FMNL2: variants seen among roughly 807,000 people sequenced by gnomAD.
FMNL2 encodes the protein formin like 2.
Under a neutral mutation model 130.2 loss-of-function variants are expected in FMNL2, and 51 were observed. The observed-to-expected ratio is 0.39, with a 90% confidence interval of 0.31 to 0.49. The LOEUF (loss-of-function observed/expected upper bound fraction) is 0.49. Among genes scored for constraint, FMNL2 ranks in the 20% least tolerant of loss-of-function variants. The pLI is 0.85. For missense variants in FMNL2, 977 were observed against 1,316.2 expected, an observed-to-expected ratio of 0.74 and a Z score of 3.99; for synonymous variants, 465 against 467.1, an observed-to-expected ratio of 1.00 and a Z score of 0.06.
At chr2:152,426,533 G>T (rs1687212422) in intron 1 of FMNL2, among the ~76,000 whole-genome samples, 1 of 152,216 alleles carries the variant, frequency 6.6e-6, no homozygotes. Flanking sequence ...GTCACAAGAT[G>T]AATACGTACT....
intron 4 of FMNL2, among the ~76,000 whole-genome samples, chr2:152,550,089 G>A (rs1056052851): frequency 1.3e-5 from 2 of 152,062 alleles, no homozygotes; most frequent in African/African-American, 4.8e-5. Flanking sequence ...AAATAATGTT[G>A]TTATAAAACC....
intron 1 of FMNL2, among the ~76,000 whole-genome samples, chr2:152,502,785 C>T (rs1016912447): frequency 2.0e-5 from 3 of 151,898 alleles, no homozygotes; most frequent in Non-Finnish European, 4.4e-5. Flanking sequence ...GGTGGGTTTG[C>T]GAGTTTAGTA....
At chr2:152,572,707 C>T (rs1484911218) in intron 6 of FMNL2, among the ~76,000 whole-genome samples, 1 of 152,056 alleles carries the variant, frequency 6.6e-6, no homozygotes, top group Non-Finnish European at 1.5e-5. Flanking sequence ...CATGGTACTG[C>T]ACTTCAGCCT....
intron 6 of FMNL2, among the ~76,000 whole-genome samples, chr2:152,572,768 A>G (rs1313344449): frequency 6.6e-6 from 1 of 151,570 alleles, no homozygotes; most frequent in East Asian, 1.9e-4. Context: ...TATCAACATC[A>G]TGCGTTGGAG....
chr2:152,395,823 G>T (rs1685360539), intron 1 of FMNL2, among the ~76,000 whole-genome samples: 1 of 128,900 alleles, frequency 7.8e-6, no homozygotes, highest in Non-Finnish European at 1.6e-5. Flanking sequence ...TTTCAAATAT[G>T]CTTCAACCAA....
intron 1 of FMNL2, among the ~76,000 whole-genome samples, chr2:152,510,423 C>T (rs1692435934): frequency 1.3e-5 from 2 of 152,052 alleles, no homozygotes; most frequent in Admixed American, 1.3e-4. Context: ...GATTGGTGGT[C>T]CCCTCAAAAA....
intron 1 of FMNL2, among the ~76,000 whole-genome samples, chr2:152,396,594 A>G (rs191169109): frequency 2.7e-4 from 41 of 152,300 alleles, no homozygotes; most frequent in African/African-American, 9.9e-4. Context: ...GCAAACTTCC[A>G]TGCCTCTGGA....
intron 3 of FMNL2, among the ~76,000 whole-genome samples, chr2:152,544,702 C>G (rs2105506383): frequency 6.6e-6 from 1 of 152,212 alleles, no homozygotes; most frequent in African/African-American, 2.4e-5. Context: ...CCAAAAAATT[C>G]CTTCCACATT....
At chr2:152,376,045 C>T (rs1684152090) in intron 1 of FMNL2, among the ~76,000 whole-genome samples, 1 of 151,844 alleles carries the variant, frequency 6.6e-6, no homozygotes, top group Non-Finnish European at 1.5e-5. Flanking sequence ...AGGCATGTAC[C>T]ACCACGCCCA....
At chr2:152,394,087 T>C (rs950486794) in intron 1 of FMNL2, among the ~76,000 whole-genome samples, 4 of 152,216 alleles carry the variant, frequency 2.6e-5, no homozygotes, top group Non-Finnish European at 5.9e-5. Context: ...TTTGACTATT[T>C]TCCTCACTTC....
At position 152,580,964 on chromosome 2, in the gene FMNL2, C is replaced by G; in HGVS notation, c.791C>G (p.Ala264Gly). 6.2e-7 allele frequency: 1 copy of G among 1,613,376 alleles called. No homozygotes were observed. The highest frequency in any genetic ancestry group is 8.5e-7 in the Non-Finnish European group (1 of 1,179,720). ...TCTTCTTGTTTTGGCAGAACAAAAG[C>G]CCTTGTCTTAGAACTGTTGGCAGCC... ...SLNNKNPRTK[A>G]LVLELLAAVC... The change falls in exon 9 of 26, where the codon GCC becomes GGC. Residue 264 changes from alanine (A) to glycine (G), a missense_variant. By Grantham distance (60) the Ala-to-Gly change is moderately conservative. Transcript: ENST00000288670.
In FMNL2 at chr2:152,335,508, C is replaced by G; in HGVS notation, c.-96C>G. 1 of 911,204 alleles carries G rather than the reference C, an allele frequency of 1.1e-6. No homozygotes were observed. The highest frequency in any genetic ancestry group is 1.6e-6 in the Non-Finnish European group (1 of 640,704). The allele number at this position is 911,204 out of a possible 1,614,324, so 56.4% of individuals were successfully genotyped here. On this transcript the variant is annotated 5_prime_UTR_variant, in exon 1 of 26. Transcript: ENST00000288670. Reference sequence around the variant, plus strand: ...GGAGGGCGGGGAGCCGGGCAGGTCGCGCCTGCGGGCGGCAGCCGACCGCCG... The same window carrying G: ...GGAGGGCGGGGAGCCGGGCAGGTCGGGCCTGCGGGCGGCAGCCGACCGCCG...
intron 1 of FMNL2, among the ~76,000 whole-genome samples, chr2:152,450,408 A>G (rs1424464791): frequency 6.6e-6 from 1 of 152,222 alleles, no homozygotes; most frequent in African/African-American, 2.4e-5. Flanking sequence ...CAGTACCTTC[A>G]GGTACTAAAG....
intron 2 of FMNL2, among the ~76,000 whole-genome samples, chr2:152,533,682 C>G (rs966885273): frequency 6.6e-6 from 1 of 151,216 alleles, no homozygotes; most frequent in East Asian, 1.9e-4. Context: ...GATGCACTGG[C>G]TCTGTAGATC....
intron 1 of FMNL2, among the ~76,000 whole-genome samples, chr2:152,396,221 A>G (rs183848599): frequency 6.6e-6 from 1 of 152,300 alleles, no homozygotes; most frequent in East Asian, 1.9e-4. Flanking sequence ...GGGAGCTAGA[A>G]GAACTTGGCT....
chr2:152,374,743 G>A (rs1684067246), intron 1 of FMNL2, among the ~76,000 whole-genome samples: 1 of 152,142 alleles, frequency 6.6e-6, no homozygotes, highest in African/African-American at 2.4e-5. Context: ...ATTTAGATGA[G>A]GCCAACTGGC....
At chr2:152,645,777 T>C (rs1042613676) in intron 25 of FMNL2, among the ~76,000 whole-genome samples, 40 of 152,318 alleles carry the variant, frequency 2.6e-4, no homozygotes, top group African/African-American at 9.4e-4. Flanking sequence ...TGTCCTTCCC[T>C]TACCCCTGTC....
chr2:152,643,994 C>A, intron 25 of FMNL2: 1 of 699,772 alleles, frequency 1.4e-6, no homozygotes, highest in Non-Finnish European at 1.8e-6. Flanking sequence ...CTTTGAGAGG[C>A]TGAGGCAAAA....
intron 25 of FMNL2, among the ~76,000 whole-genome samples, chr2:152,641,202 C>T (rs1683057551): frequency 6.6e-6 from 1 of 152,048 alleles, no homozygotes; most frequent in African/African-American, 2.4e-5. Context: ...TTCCTCGTGG[C>T]CACACCTAGC....
Sources: allele counts gnomAD v4.1 joint callset (sites outside exome capture counted in the v4.1 genomes callset), GRCh38; gene constraint gnomAD v4.1.1; transcripts MANE v1.5; gene names NCBI Gene and HGNC (gene_info 2026-07-23, HGNC 2026-07-21).